Variants in ELMO2 observed in about 807,000 individuals in gnomAD.
ELMO2 encodes engulfment and cell motility protein 2.
Under a neutral mutation model 96.2 loss-of-function variants are expected in ELMO2, and 37 were observed. The observed-to-expected ratio is 0.38, with a 90% confidence interval of 0.30 to 0.51. The LOEUF (loss-of-function observed/expected upper bound fraction) is 0.51, where lower values mean the gene tolerates loss of function less well. ELMO2 is among the 20% of genes least tolerant of loss of function. ELMO2 has a pLI of 0.88. For missense variants in ELMO2, 561 were observed against 912.6 expected, an observed-to-expected ratio of 0.61 and a Z score of 4.96; for synonymous variants, 315 against 329.4, an observed-to-expected ratio of 0.96 and a Z score of 0.47.
chr20:46,386,255 C>T lies in ELMO2; in HGVS notation c.546G>A (p.Gln182=), dbSNP rs1327546122. The T allele has an allele frequency of 1.6e-5, 26 of 1,613,988 alleles. No homozygotes were observed. The South Asian group carries it at 2.4e-4, about 15-fold the overall frequency. Residue 182 remains glutamine (Q), a synonymous_variant, in exon 9 of 22, where the codon CAG becomes CAA. Transcript: ENST00000290246. ...GAAGGATTGACACGTCCACCATGGG[C>T]TGGCTCACATACCCTGCAATCTAGA... ...FIKQIAGYVS[Q]PMVDVSILQR... is the part of the protein sequence containing the mutation.
rs1015457007 is a variant in ELMO2 at position 46,367,677 on chromosome 20, G to A, written c.1963-117C>T. ...TTCCTTTTGGAACTAATCAGTATAG[G>A]CAAAACTGATTTGGAATGATAGCAA... On this transcript the variant is annotated intron_variant, in intron 21 of 21. Coordinates refer to ENST00000290246, the MANE Select transcript of ELMO2 (RefSeq NM_133171.5). 13 of 620,704 alleles carry A rather than the reference G, an allele frequency of 2.1e-5. No homozygotes were observed. In the Admixed American group the frequency reaches 3.2e-4, roughly 15 times the overall value. The allele number at this position is 620,704 out of a possible 1,614,324, so 38.4% of individuals were successfully genotyped here.
Position 46,375,637 on chromosome 20 carries a change from T to A in ELMO2, c.930+31A>T. The stretch of plus-strand genomic sequence containing the variant: ...CTAAGGCTGGACTGCACCACAGCCA[T>A]GAGAAAACAGCTGCCCCACTTAGCA... On this transcript the variant is annotated intron_variant, in intron 12 of 21. Transcript: ENST00000290246. The surrounding 1 kb of genome is among the most constrained non-coding windows in gnomAD (Gnocchi z 4.6). 6.2e-7 allele frequency: 1 copy of A among 1,613,696 alleles called. No homozygotes were observed.
intron 20 of ELMO2, chr20:46,369,961 GGTGTGTGTGTGTGTGTGTGTGT>G (rs200632114): frequency 5.4e-4 from 27 of 50,260 alleles, no homozygotes; most frequent in African/African-American, 1.5e-3. Flanking sequence ...TGGGTATGGG[GGTGTGTGTGTGTGTGTGTGTGT>G]GTGTGTGTGT....
Position 46,375,822 on chromosome 20 carries a change from T to G in ELMO2, c.808-32A>C. The G allele has an allele frequency of 6.2e-7, 1 of 1,613,074 alleles. No individual in the cohort carries two copies. Among genetic ancestry groups the G allele is most frequent in the Non-Finnish European group, 8.5e-7 (1 of 1,179,414 alleles). On this transcript the variant is annotated intron_variant, in intron 11 of 21. Coordinates refer to ENST00000290246, the MANE Select transcript of ELMO2 (RefSeq NM_133171.5). The surrounding 1 kb of genome is among the most constrained non-coding windows in gnomAD (Gnocchi z 4.6). Reference sequence around the variant, plus strand: ...AAAGCACAGGCAGGGAGCAGGGGACTGAACTGATCTCTTTTAATGAAGGGC... The same window carrying G: ...AAAGCACAGGCAGGGAGCAGGGGACGGAACTGATCTCTTTTAATGAAGGGC...
intron 1 of ELMO2, among the ~76,000 whole-genome samples, chr20:46,399,690 G>A (rs1417239290): frequency 6.6e-6 from 1 of 152,184 alleles, no homozygotes; most frequent in African/African-American, 2.4e-5. Flanking sequence ...ACAGCACTTG[G>A]TGTCCAGTGA....
intron 6 of ELMO2, among the ~76,000 whole-genome samples, chr20:46,391,076 C>T (rs1448924375): frequency 6.6e-6 from 1 of 152,218 alleles, no homozygotes; most frequent in Non-Finnish European, 1.5e-5. Flanking sequence ...GTCAACTACA[C>T]TGTGCAAGAG....
intron 1 of ELMO2, among the ~76,000 whole-genome samples, chr20:46,399,461 C>A (rs1010353922): frequency 4.2e-4 from 64 of 152,184 alleles, no homozygotes; most frequent in African/African-American, 1.4e-3. Flanking sequence ...AGCATCAGAG[C>A]CTAGTTCGGA....
rs1291185036 is a variant in ELMO2, at chr20:46,371,171, T to C, written c.1801+181A>G. Among the ~76,000 whole-genome samples the C allele has an allele frequency of 2.0e-5, 3 of 152,160 alleles. No homozygotes were observed. Among genetic ancestry groups the C allele is most frequent in the Non-Finnish European group, 4.4e-5 (3 of 68,032 alleles). The stretch of plus-strand genomic sequence containing the variant: ...CAATACATTCACACCTGTGAACTCA[T>C]TGTTTCTCCAAACCACCCCACCGAG... On this transcript the variant is annotated intron_variant, in intron 19 of 21. Transcript: ENST00000290246. This position sits in a 1 kb window ranked among gnomAD's most constrained non-coding sequence, Gnocchi z 5.9.
At chr20:46,369,961 G>GGGGTGTGT (rs1491178839) in intron 20 of ELMO2, 1 of 49,480 alleles carries the variant, frequency 2.0e-5, no homozygotes, top group African/African-American at 5.9e-5. Context: ...TGGGTATGGG[G>GGGGTGTGT]GTGTGTGTGT....
At chr20:46,400,909 A>T (rs1475592886) in intron 1 of ELMO2, among the ~76,000 whole-genome samples, 1 of 152,214 alleles carries the variant, frequency 6.6e-6, no homozygotes, top group Non-Finnish European at 1.5e-5. Flanking sequence ...TGAGAGCAGG[A>T]TTGGAAACCG....
At chr20:46,394,348 C>T in intron 3 of ELMO2, 57 bp downstream of exon 3, 4 of 1,571,758 alleles carry the variant, frequency 2.5e-6, no homozygotes, top group Non-Finnish European at 2.6e-6. Context: ...ATGTCCTCTG[C>T]CATGCACTCC....
At chr20:46,383,733 A>G (rs972789939) in intron 9 of ELMO2, among the ~76,000 whole-genome samples, 1 of 152,206 alleles carries the variant, frequency 6.6e-6, no homozygotes, top group African/African-American at 2.4e-5. Flanking sequence ...TCATTAAAGT[A>G]CTACTTAAAA....
Position 46,367,456 on chromosome 20 carries a change from C to T in ELMO2, c.2067G>A (p.Leu689=), listed in dbSNP as rs145079411. The T allele has an allele frequency of 6.2e-7, 1 of 1,613,640 alleles. No individual in the cohort carries two copies. Among genetic ancestry groups the T allele is most frequent in the South Asian group, 1.1e-5 (1 of 90,992 alleles). ...GGATGTTCTCCAGGTCCAGGAGCCG[C>T]AGCTTCATCTCCATGCTCAGCAGGG... is the stretch of plus-strand genomic sequence containing the variant. ...LDTLLSMEMK[L]RLLDLENIQI... is the part of the protein sequence containing the mutation. Residue 689 remains leucine (L), a synonymous_variant, in exon 22 of 22, where the codon CTG becomes CTA. Transcript: ENST00000290246.
At position 46,401,111 on chromosome 20, in the gene ELMO2, C is replaced by G. The variant is rs192664972; in HGVS notation, c.-125-2340G>C. On this transcript the variant is annotated intron_variant, in intron 1 of 21. Transcript: ENST00000290246. The stretch of plus-strand genomic sequence containing the variant: ...GGGTAAGTTTGGTTTATGTTTCCTG[C>G]AACAGAATGCAACCTCATCAAGAAG... Among the ~76,000 whole-genome samples, 10 of 152,296 alleles carry G rather than the reference C, an allele frequency of 6.6e-5. No individual in the cohort carries two copies. The East Asian group carries it at 1.7e-3, about 26-fold the overall frequency.
chr20:46,368,645 G>A (rs1383111976), intron 21 of ELMO2, among the ~76,000 whole-genome samples: 1 of 152,194 alleles, frequency 6.6e-6, no homozygotes, highest in Non-Finnish European at 1.5e-5. Context: ...TGCGCCTGGA[G>A]GAACCTCAGG....
intron 6 of ELMO2, among the ~76,000 whole-genome samples, chr20:46,391,065 A>G (rs1246331634): frequency 1.3e-5 from 2 of 152,232 alleles, no homozygotes; most frequent in Non-Finnish European, 2.9e-5. Context: ...CTTCTGGGAA[A>G]GTCAACTACA....
At position 46,375,108 on chromosome 20, in the gene ELMO2, C is replaced by T; in HGVS notation, c.1065+128G>A. ...AAGCAAAGCAAGCATTAAAGCTCCA[C>T]CAGCTTCCTAACTGTCATCTATTCC... On this transcript the variant is annotated intron_variant, in intron 13 of 21. Transcript: ENST00000290246. This position sits in a 1 kb window ranked among gnomAD's most constrained non-coding sequence, Gnocchi z 4.6. 7.8e-7 allele frequency: 1 copy of T among 1,286,198 alleles called. No homozygotes were observed. The highest frequency in any genetic ancestry group is 1.1e-6 in the Non-Finnish European group (1 of 940,454). 79.7% of individuals were successfully genotyped at this position (1,286,198 alleles called of 1,614,324 possible).
intron 10 of ELMO2, chr20:46,382,156 T>A: frequency 7.8e-7 from 1 of 1,284,006 alleles, no homozygotes; most frequent in Non-Finnish European, 1.0e-6. Flanking sequence ...TAGCTTTGAC[T>A]TCCCCACCTG....
intron 6 of ELMO2, among the ~76,000 whole-genome samples, chr20:46,390,113 A>C (rs948738559): frequency 7.2e-5 from 11 of 152,138 alleles, no homozygotes; most frequent in Non-Finnish European, 1.6e-4. Flanking sequence ...AGATCATGCC[A>C]CTGCACTCCA....
Sources: gnomAD v4.1 joint callset for allele counts (sites outside exome capture counted in the v4.1 genomes callset) on GRCh38, gnomAD v4.1.1 for gene constraint, Gnocchi (gnomAD v3.1) non-coding constraint, MANE v1.5 for transcripts, NCBI Gene and HGNC (gene_info 2026-07-23, HGNC 2026-07-21) for gene names.